The following DLGAP4 variants were observed in gnomAD, a reference collection of about 807,000 sequenced individuals.
The protein encoded by DLGAP4 is disks large-associated protein 4.
In DLGAP4, 18 loss-of-function variants were observed where a neutral mutation model predicts 86.9. The ratio of observed to expected loss-of-function variants is 0.21; its 90% confidence interval spans 0.14 to 0.31. The LOEUF (loss-of-function observed/expected upper bound fraction) is 0.31. DLGAP4 is among the 10% of genes least tolerant of loss of function. DLGAP4 has a pLI of 1.00. For synonymous variants in DLGAP4, 548 were observed against 574.3 expected, an observed-to-expected ratio of 0.95 and a Z score of 0.65; for missense variants, 1,085 against 1,362.6, an observed-to-expected ratio of 0.80 and a Z score of 3.21.
intron 2 of DLGAP4, among the ~76,000 whole-genome samples, chr20:36,370,435 G>A (rs1216117500): frequency 1.3e-5 from 2 of 150,674 alleles, no homozygotes; most frequent in Non-Finnish European, 3.0e-5. Flanking sequence ...ATGGTGAGCT[G>A]AGATTGCACC....
chr20:36,497,555 T>G (rs1463608175), intron 8 of DLGAP4: 1 of 989,038 alleles, frequency 1.0e-6, no homozygotes, highest in African/African-American at 1.7e-5. Context: ...GCCATGGGGG[T>G]TGCTCGAGGG....
intron 7 of DLGAP4, among the ~76,000 whole-genome samples, chr20:36,450,498 C>CAA (rs985226325): frequency 6.9e-6 from 1 of 145,088 alleles, no homozygotes; most frequent in South Asian, 2.2e-4. Context: ...GACTCCGTCT[C>CAA]AAAAAAAAAA....
chr20:36,355,431 G>A (rs1286204291), intron 1 of DLGAP4, among the ~76,000 whole-genome samples: 3 of 151,868 alleles, frequency 2.0e-5, no homozygotes, highest in Non-Finnish European at 4.4e-5. Context: ...TGAGTAACTC[G>A]GACTACAGAT....
intron 7 of DLGAP4, among the ~76,000 whole-genome samples, chr20:36,457,000 TA>T (rs1357302035): frequency 6.6e-6 from 1 of 152,224 alleles, no homozygotes; most frequent in East Asian, 1.9e-4. Context: ...GTGTTGTAGG[TA>T]CCATCAGTGA....
At chr20:36,363,392 T>C (rs1414191948) in intron 1 of DLGAP4, among the ~76,000 whole-genome samples, 4 of 152,212 alleles carry the variant, frequency 2.6e-5, no homozygotes, top group Non-Finnish European at 5.9e-5. Context: ...TCCTCTGGCT[T>C]CTGTGCTGGG....
intron 7 of DLGAP4, among the ~76,000 whole-genome samples, chr20:36,447,902 G>GA (rs1491365104): frequency 8.0e-5 from 1 of 12,426 alleles, no homozygotes; most frequent in Non-Finnish European, 4.2e-4. Flanking sequence ...TCAGGGGGGT[G>GA]GGGGGGGGGG....
intron 2 of DLGAP4, among the ~76,000 whole-genome samples, chr20:36,419,134 T>G (rs1235707233): frequency 6.6e-6 from 1 of 152,102 alleles, no homozygotes; most frequent in Non-Finnish European, 1.5e-5. Context: ...TTTTTTTCTT[T>G]TTTTTGAGAT....
intron 7 of DLGAP4, 124 bp downstream of exon 7, chr20:36,447,061 G>A: frequency 6.9e-7 from 1 of 1,450,346 alleles, no homozygotes. Flanking sequence ...GCACCAGGGG[G>A]ATGGTTGGGA....
intron 7 of DLGAP4, among the ~76,000 whole-genome samples, chr20:36,470,227 C>A (rs1194813042): frequency 6.6e-6 from 1 of 152,152 alleles, no homozygotes; most frequent in East Asian, 1.9e-4. Flanking sequence ...GGTCAGCATT[C>A]AAAGCCTTCT....
At chr20:36,439,495 C>G (rs919666878) in intron 4 of DLGAP4, among the ~76,000 whole-genome samples, 5 of 152,320 alleles carry the variant, frequency 3.3e-5, no homozygotes, top group Admixed American at 3.3e-4. Flanking sequence ...TTTGGGAGCC[C>G]TAGGCTGTGG....
intron 7 of DLGAP4, among the ~76,000 whole-genome samples, chr20:36,456,853 C>G (rs1356713965): frequency 6.6e-6 from 1 of 152,214 alleles, no homozygotes; most frequent in Admixed American, 6.5e-5. Context: ...GTAGAGAAGT[C>G]ACCCCAAAGG....
intron 2 of DLGAP4, among the ~76,000 whole-genome samples, chr20:36,368,509 G>T (rs1026502456): frequency 2.0e-4 from 31 of 152,228 alleles, no homozygotes. Context: ...GCCTTATTAT[G>T]ACTAACCATG....
At chr20:36,447,930 G>A (rs1456487398) in intron 7 of DLGAP4, among the ~76,000 whole-genome samples, 3 of 144,538 alleles carry the variant, frequency 2.1e-5, no homozygotes, top group African/African-American at 5.1e-5. Flanking sequence ...GGGAGGGAGA[G>A]CATTAGGACA....
intron 1 of DLGAP4, among the ~76,000 whole-genome samples, chr20:36,351,822 G>C (rs1275902383): frequency 6.6e-6 from 1 of 152,074 alleles, no homozygotes; most frequent in Non-Finnish European, 1.5e-5. Flanking sequence ...ACACTGTGCT[G>C]GGGGCTGCAG....
At chr20:36,497,707 G>A in intron 8 of DLGAP4, 4 of 938,226 alleles carry the variant, frequency 4.3e-6, no homozygotes, top group Non-Finnish European at 5.1e-6. Flanking sequence ...CCAGGGTTAG[G>A]TGGCCAAAGT....
intron 7 of DLGAP4, among the ~76,000 whole-genome samples, chr20:36,485,582 C>T (rs1001867229): frequency 1.3e-5 from 2 of 152,090 alleles, no homozygotes; most frequent in African/African-American, 4.8e-5. Flanking sequence ...AGGCCCTGTG[C>T]AGAGTACACA....
intron 7 of DLGAP4, among the ~76,000 whole-genome samples, chr20:36,477,879 G>A (rs990393543): frequency 6.6e-6 from 1 of 152,170 alleles, no homozygotes; most frequent in African/African-American, 2.4e-5. Flanking sequence ...AAGGTCATAC[G>A]GCACTTCACT....
intron 7 of DLGAP4, among the ~76,000 whole-genome samples, chr20:36,468,046 G>A (rs1459914593): frequency 6.6e-6 from 1 of 152,218 alleles, no homozygotes. Context: ...TTAGGAGCAA[G>A]CACATTTATC....
At chr20:36,354,364 A>T (rs2030257920) in intron 1 of DLGAP4, among the ~76,000 whole-genome samples, 1 of 152,228 alleles carries the variant, frequency 6.6e-6, no homozygotes, top group Admixed American at 6.5e-5. Flanking sequence ...GCTTTATTTG[A>T]GTACTGTTTA....
Sources: gnomAD v4.1 joint callset for allele counts (sites outside exome capture counted in the v4.1 genomes callset) on GRCh38, gnomAD v4.1.1 for gene constraint, MANE v1.5 for transcripts, NCBI Gene and HGNC (gene_info 2026-07-23, HGNC 2026-07-21) for gene names.